MAPKAP1: variants seen among roughly 807,000 people sequenced by gnomAD.
MAPKAP1 encodes target of rapamycin complex 2 subunit MAPKAP1.
A neutral mutation model predicts 65.7 loss-of-function variants in MAPKAP1; 20 were observed. That is an observed-to-expected ratio of 0.30 (90% confidence interval 0.21 to 0.44). MAPKAP1 has a LOEUF of 0.44. Among genes scored for constraint, MAPKAP1 ranks in the 20% least tolerant of loss-of-function variants. MAPKAP1 has a pLI of 1.00. For synonymous variants in MAPKAP1, 222 were observed against 244.3 expected, an observed-to-expected ratio of 0.91 and a Z score of 0.85; for missense variants, 423 against 648.0, an observed-to-expected ratio of 0.65 and a Z score of 3.77.
chr9:125,651,498 G>C (rs912536874), intron 4 of MAPKAP1, among the ~76,000 whole-genome samples: 1 of 152,048 alleles, frequency 6.6e-6, no homozygotes, highest in Non-Finnish European at 1.5e-5. Context: ...CCAGCTACTC[G>C]GGAGGCTGAG....
chr9:125,521,648 C>T lies in MAPKAP1; in HGVS notation c.959-15231G>A, dbSNP rs540965112. ...GTAAATCCAGAGTGACAGAATTTCC[C>T]GTGATGGCAAAGGTTTCTGACATCC... On this transcript the variant is annotated intron_variant, in intron 7 of 11. Transcript: ENST00000265960. 36 of 1,536,840 alleles carry T rather than the reference C, an allele frequency of 2.3e-5. No individual in the cohort carries two copies. The East Asian group carries it at 6.2e-4, about 27-fold the overall frequency.
rs1484793113 is a variant in MAPKAP1 at position 125,625,280 on chromosome 9, A to C, written c.498+32371T>G. The stretch of plus-strand genomic sequence containing the variant: ...TAAAAAAAAAAAAAAAAAAAAAAAA[A>C]CAAGGGAGAGAATTTACATTCCAAA... On this transcript the variant is annotated intron_variant, in intron 4 of 11. Coordinates refer to ENST00000265960, the MANE Select transcript of MAPKAP1 (RefSeq NM_001006617.3). Among the ~76,000 whole-genome samples the C allele has an allele frequency of 1.6e-3, 198 of 123,208 alleles. 2 individuals carry two copies. The highest frequency in any genetic ancestry group is 5.6e-3 in the African/African-American group (185 of 33,128). 80.8% of individuals were successfully genotyped at this position (123,208 alleles called of 152,430 possible).
At chr9:125,521,461 C>T (rs553181856) in intron 7 of MAPKAP1, 27 of 1,199,742 alleles carry the variant, frequency 2.3e-5, no homozygotes, top group Non-Finnish European at 2.7e-5. Context: ...TAAAGAAATA[C>T]AGATGGTTTT....
intron 4 of MAPKAP1, among the ~76,000 whole-genome samples, chr9:125,656,506 T>A (rs994960002): frequency 6.6e-6 from 1 of 152,080 alleles, no homozygotes; most frequent in Non-Finnish European, 1.5e-5. Flanking sequence ...ATCAATAACC[T>A]CATGTGCCAG....
chr9:125,456,082 GATTGCATT>G (rs1351510133), intron 10 of MAPKAP1, among the ~76,000 whole-genome samples: 1 of 152,020 alleles, frequency 6.6e-6, no homozygotes, highest in Non-Finnish European at 1.5e-5. Context: ...TTGTCTTCTG[GATTGCATT>G]ATTTCTAATG....
chr9:125,582,070 T>TAG (rs1470632191), intron 5 of MAPKAP1, among the ~76,000 whole-genome samples: 3 of 152,222 alleles, frequency 2.0e-5, no homozygotes, highest in African/African-American at 7.2e-5. Flanking sequence ...TACTATATCC[T>TAG]AGGTTGAATT....
At chr9:125,588,566 A>C (rs1217886667) in intron 4 of MAPKAP1, among the ~76,000 whole-genome samples, 2 of 152,236 alleles carry the variant, frequency 1.3e-5, no homozygotes, top group African/African-American at 4.8e-5. Context: ...TAAGAAAAAA[A>C]GTGAAAAATA....
intron 4 of MAPKAP1, among the ~76,000 whole-genome samples, chr9:125,604,555 A>G (rs1341112340): frequency 1.3e-5 from 2 of 152,258 alleles, no homozygotes; most frequent in Non-Finnish European, 2.9e-5. Context: ...CATTCACCTG[A>G]GCAACACATT....
At chr9:125,494,380 C>T (rs1332858694) in intron 8 of MAPKAP1, among the ~76,000 whole-genome samples, 1 of 152,148 alleles carries the variant, frequency 6.6e-6, no homozygotes, top group African/African-American at 2.4e-5. Context: ...ATACCCTTCA[C>T]TAGAATCTGC....
intron 6 of MAPKAP1, among the ~76,000 whole-genome samples, chr9:125,557,253 CT>C (rs556996462): frequency 1.2e-3 from 189 of 152,298 alleles, no homozygotes; most frequent in African/African-American, 4.4e-3. Flanking sequence ...CTACTGAAAA[CT>C]CAGTGATTTA....
intron 6 of MAPKAP1, among the ~76,000 whole-genome samples, chr9:125,552,383 C>G (rs934287500): frequency 4.5e-4 from 68 of 152,282 alleles, no homozygotes; most frequent in African/African-American, 1.6e-3. Flanking sequence ...TTCACGTTCC[C>G]TCCACAGAAT....
At chr9:125,690,448 GCCTGGCTTCAAACCTGGA>G (rs1208567260) in intron 1 of MAPKAP1, among the ~76,000 whole-genome samples, 3 of 152,254 alleles carry the variant, frequency 2.0e-5, no homozygotes, top group Non-Finnish European at 2.9e-5. Flanking sequence ...TCTTCGGACT[GCCTGGCTTCAAACCTGGA>G]CCTGGCATTC....
chr9:125,500,484 C>A (rs963037975), intron 8 of MAPKAP1, among the ~76,000 whole-genome samples: 2 of 152,114 alleles, frequency 1.3e-5, no homozygotes, highest in Non-Finnish European at 2.9e-5. Context: ...TGAGCCATCA[C>A]GCCGGCCCCC....
chr9:125,527,786 A>T (rs1248063789), intron 7 of MAPKAP1, among the ~76,000 whole-genome samples: 1 of 152,120 alleles, frequency 6.6e-6, no homozygotes, highest in Admixed American at 6.5e-5. Context: ...CTCCCCAAGG[A>T]CTCAGAAGAG....
chr9:125,546,891 G>A (rs1159364458), intron 6 of MAPKAP1, among the ~76,000 whole-genome samples: 4 of 152,050 alleles, frequency 2.6e-5, no homozygotes, highest in African/African-American at 9.7e-5. Context: ...CTCGCCTCAG[G>A]GACAGACAAC....
At chr9:125,537,391 C>T (rs1244786948) in intron 7 of MAPKAP1, among the ~76,000 whole-genome samples, 1 of 152,170 alleles carries the variant, frequency 6.6e-6, no homozygotes, top group African/African-American at 2.4e-5. Context: ...TCTAGGTACA[C>T]CAAGGCACTC....
chr9:125,696,422 C>CAAAAAAAAAAAAAAAAAA, intron 1 of MAPKAP1: 1 of 135,482 alleles, frequency 7.4e-6, no homozygotes, highest in Non-Finnish European at 1.6e-5. Flanking sequence ...GAAAAAAAAA[C>CAAAAAAAAAAAAAAAAAA]AAAAAAAAAA....
intron 4 of MAPKAP1, among the ~76,000 whole-genome samples, chr9:125,610,977 A>G (rs1278058755): frequency 6.6e-6 from 1 of 152,264 alleles, no homozygotes; most frequent in East Asian, 1.9e-4. Flanking sequence ...GATCAGAAGC[A>G]AAATATAAAA....
chr9:125,636,031 T>A (rs1362571548), intron 4 of MAPKAP1, among the ~76,000 whole-genome samples: 1 of 152,206 alleles, frequency 6.6e-6, no homozygotes, highest in Non-Finnish European at 1.5e-5. Context: ...CTGCGGCTGG[T>A]GTAATGGGAA....
Sources: allele counts gnomAD v4.1 joint callset (sites outside exome capture counted in the v4.1 genomes callset), GRCh38; gene constraint gnomAD v4.1.1; transcripts MANE v1.5; gene names NCBI Gene and HGNC (gene_info 2026-07-23, HGNC 2026-07-21).